TRAPPC9: variants seen among roughly 807,000 people sequenced by gnomAD.
TRAPPC9 encodes the protein IKK2 binding protein.
Under a neutral mutation model 124.0 loss-of-function variants are expected in TRAPPC9, and 83 were observed. That is an observed-to-expected ratio of 0.67 (90% confidence interval 0.56 to 0.80). The LOEUF (loss-of-function observed/expected upper bound fraction) is 0.80, where lower values mean the gene tolerates loss of function less well. Among genes scored for constraint, TRAPPC9 ranks in the 30% least tolerant of loss-of-function variants. TRAPPC9 has a pLI of 0.00. For missense variants in TRAPPC9, 1,302 were observed against 1,508.3 expected, an observed-to-expected ratio of 0.86 and a Z score of 2.27; for synonymous variants, 638 against 617.5, an observed-to-expected ratio of 1.03 and a Z score of -0.49.
chr8:140,202,153 C>T (rs2062807008), intron 17 of TRAPPC9, among the ~76,000 whole-genome samples: 1 of 136,022 alleles, frequency 7.4e-6, no homozygotes, highest in African/African-American at 2.8e-5. Context: ...AAAAGCTCAT[C>T]TTCTGTAATT....
intron 21 of TRAPPC9, among the ~76,000 whole-genome samples, chr8:139,867,830 T>A (rs1409434566): frequency 1.3e-5 from 2 of 152,202 alleles, no homozygotes; most frequent in Non-Finnish European, 2.9e-5. Context: ...TAAATGTATA[T>A]AACAGCTCAA....
Position 140,283,951 on chromosome 8 carries a change from A to T in TRAPPC9, c.2052T>A (p.Ser684Arg). 6.2e-7 allele frequency: 1 copy of T among 1,614,182 alleles called. No homozygotes were observed. The highest frequency in any genetic ancestry group is 1.6e-4 in the Middle Eastern group (1 of 6,062). The change falls in exon 14 of 23, where the codon AGT (serine) becomes AGA (arginine). Residue 684 changes from serine to arginine, a missense_variant. Physicochemically the swap from Ser to Arg is moderately radical, Grantham distance 110. Coordinates refer to ENST00000438773, the MANE Select transcript of TRAPPC9 (RefSeq NM_001160372.4). ...LLDNLPGIKT[S>R]GSTVEVIPAL... ...CGGGAATGACTTCCACTGTGGAGCC[A>T]CTGGTTTTTATTCCCGGCAGGTTAT...
At chr8:140,183,944 GA>G (rs2062282268) in intron 17 of TRAPPC9, among the ~76,000 whole-genome samples, 1 of 47,900 alleles carries the variant, frequency 2.1e-5, no homozygotes, top group Non-Finnish European at 4.7e-5. Flanking sequence ...GAGGAGAGGA[GA>G]GGAGAGGGGA....
intron 19 of TRAPPC9, among the ~76,000 whole-genome samples, chr8:139,928,601 A>G (rs568840806): frequency 6.6e-6 from 1 of 152,022 alleles, no homozygotes; most frequent in East Asian, 1.9e-4. Flanking sequence ...GGAAAAGCCC[A>G]CAGCATCGAC....
At chr8:140,057,832 T>C (rs1219017812) in intron 17 of TRAPPC9, among the ~76,000 whole-genome samples, 1 of 152,208 alleles carries the variant, frequency 6.6e-6, no homozygotes, top group Admixed American at 6.5e-5. Flanking sequence ...CAAGGTTACA[T>C]GTTCTTCCCA....
intron 19 of TRAPPC9, among the ~76,000 whole-genome samples, chr8:139,920,046 T>C (rs1832411969): frequency 6.6e-6 from 1 of 152,254 alleles, no homozygotes; most frequent in African/African-American, 2.4e-5. Context: ...GATTAAAATA[T>C]CTATCAGATT....
chr8:140,318,497 A>G (rs1171329019), intron 9 of TRAPPC9, among the ~76,000 whole-genome samples: 1 of 152,218 alleles, frequency 6.6e-6, no homozygotes, highest in Non-Finnish European at 1.5e-5. Context: ...TGTCTAACTG[A>G]GGCTTTCTAC....
chr8:140,133,368 A>C (rs544854859), intron 17 of TRAPPC9, among the ~76,000 whole-genome samples: 2 of 152,340 alleles, frequency 1.3e-5, no homozygotes, highest in South Asian at 4.1e-4. Flanking sequence ...TTTCACGATA[A>C]AACATAAAAA....
At chr8:139,792,854 G>A (rs1189281905) in intron 21 of TRAPPC9, among the ~76,000 whole-genome samples, 1 of 152,240 alleles carries the variant, frequency 6.6e-6, no homozygotes, top group Non-Finnish European at 1.5e-5. Context: ...ACCAACAGCA[G>A]TTGGAAAAAA....
chr8:139,964,956 G>A (rs2131581176), intron 19 of TRAPPC9, among the ~76,000 whole-genome samples: 1 of 152,294 alleles, frequency 6.6e-6, no homozygotes, highest in East Asian at 1.9e-4. Context: ...GAGCCTAACT[G>A]GGGCTGTTGC....
chr8:139,859,736 T>A (rs1371224573), intron 21 of TRAPPC9, among the ~76,000 whole-genome samples: 1 of 152,144 alleles, frequency 6.6e-6, no homozygotes, highest in Non-Finnish European at 1.5e-5. Flanking sequence ...GAGAGGCACG[T>A]CTTTGGGAAG....
At chr8:139,755,086 G>T (rs980894256) in intron 21 of TRAPPC9, among the ~76,000 whole-genome samples, 1 of 152,242 alleles carries the variant, frequency 6.6e-6, no homozygotes, top group African/African-American at 2.4e-5. Context: ...GGTCACCTGA[G>T]AGGTCGTTGT....
At chr8:140,189,770 C>A (rs1335565850) in intron 17 of TRAPPC9, among the ~76,000 whole-genome samples, 4 of 152,096 alleles carry the variant, frequency 2.6e-5, no homozygotes, top group Non-Finnish European at 5.9e-5. Flanking sequence ...TCTCCCAAAT[C>A]TTTTGCTTCG....
rs1374622986 is a variant in TRAPPC9, at chr8:140,426,793, A to C, written c.860-152T>G. On this transcript the variant is annotated intron_variant, in intron 4 of 22. Transcript: ENST00000438773. ...GCAATTCTGAGGAACAGTATGTTACAAGTTTGGTGCCTTTTTGCTTCAGAC... is the reference window on the plus strand; with the variant it reads ...GCAATTCTGAGGAACAGTATGTTACCAGTTTGGTGCCTTTTTGCTTCAGAC... 5.4e-6 allele frequency: 4 copies of C among 738,024 alleles called. No homozygotes were observed. The African/African-American group carries it at 7.1e-5, about 13-fold the overall frequency. The allele number at this position is 738,024 out of a possible 1,614,324, so 45.7% of individuals were successfully genotyped here. A position where few individuals can be genotyped will look rare whatever the true frequency, so the allele number is the denominator to read the frequency against.
chr8:139,740,857 G>C (rs1361493661), intron 21 of TRAPPC9, among the ~76,000 whole-genome samples: 1 of 152,234 alleles, frequency 6.6e-6, no homozygotes, highest in Admixed American at 6.5e-5. Context: ...TGTGGTGCTG[G>C]TGCAGGCCTT....
At chr8:139,735,125 C>A (rs772022701) in intron 21 of TRAPPC9, among the ~76,000 whole-genome samples, 1 of 152,194 alleles carries the variant, frequency 6.6e-6, no homozygotes, top group African/African-American at 2.4e-5. Flanking sequence ...GCTGGTCTGT[C>A]CTGCTGAGTC....
chr8:139,836,450 T>C (rs201276285), intron 21 of TRAPPC9, among the ~76,000 whole-genome samples: 31 of 152,094 alleles, frequency 2.0e-4, no homozygotes, highest in East Asian at 1.9e-3. Context: ...GGGAAGCCGC[T>C]GGGGGGACCT....
At chr8:140,180,533 C>A (rs2062177232) in intron 17 of TRAPPC9, among the ~76,000 whole-genome samples, 2 of 152,094 alleles carry the variant, frequency 1.3e-5, no homozygotes, top group Admixed American at 1.3e-4. Context: ...ATTTCAAGAT[C>A]TGAGGCATTG....
intron 9 of TRAPPC9, among the ~76,000 whole-genome samples, chr8:140,326,727 AT>A (rs1215376887): frequency 6.6e-6 from 1 of 152,120 alleles, no homozygotes; most frequent in African/African-American, 2.4e-5. Context: ...CAAAAAAAAA[AT>A]AAATTAGCTG....
Sources: gnomAD v4.1 joint callset for allele counts (sites outside exome capture counted in the v4.1 genomes callset) on GRCh38, gnomAD v4.1.1 for gene constraint, MANE v1.5 for transcripts, NCBI Gene and HGNC (gene_info 2026-07-23, HGNC 2026-07-21) for gene names.